CELF2: variants seen among roughly 807,000 people sequenced by gnomAD.
CELF2 encodes the protein CUGBP Elav-like family member 2.
In CELF2, 8 loss-of-function variants were observed where a neutral mutation model predicts 62.6. The observed-to-expected ratio is 0.13, with a 90% CI of 0.07 to 0.23. The LOEUF is 0.23. Among genes scored for constraint, CELF2 ranks in the 10% least tolerant of loss-of-function variants. The pLI, the probability that CELF2 is intolerant of heterozygous loss-of-function variation, is 1.00. For missense variants in CELF2, 333 were observed against 671.0 expected, an observed-to-expected ratio of 0.50 and a Z score of 5.56; for synonymous variants, 258 against 250.0, an observed-to-expected ratio of 1.03 and a Z score of -0.30.
chr10:10,571,121 G>T, the CELF2 span, among the ~76,000 whole-genome samples: 6 of 152,040 alleles, frequency 3.9e-5, no homozygotes, highest in Non-Finnish European at 8.8e-5. Flanking sequence ...AATACTTTCA[G>T]AAGCAAATGG....
Position 11,008,933 on chromosome 10 carries a change from T to C in CELF2, c.53+3493T>C, listed in dbSNP as rs1320474211. Among the ~76,000 whole-genome samples the C allele has an allele frequency of 7.1e-6, 1 of 141,460 alleles. No homozygotes were observed. Among genetic ancestry groups the C allele is most frequent in the East Asian group, 2.4e-4 (1 of 4,244 alleles). The allele number at this position is 141,460 out of a possible 152,430, so 92.8% of individuals were successfully genotyped here. On this transcript the variant is annotated intron_variant, in intron 1 of 12. Coordinates refer to the CELF2 transcript ENST00000416382. This position sits in a 1 kb window ranked among gnomAD's most constrained non-coding sequence, Gnocchi z 4.5. Reference sequence around the variant, plus strand: ...GCACAAGTCCATTCAGTGGCAATAATGCCTTCTTGGGTCACCTTTATTAGC... The same window carrying C: ...GCACAAGTCCATTCAGTGGCAATAACGCCTTCTTGGGTCACCTTTATTAGC...
the CELF2 span, among the ~76,000 whole-genome samples, chr10:10,601,755 G>A: frequency 5.3e-5 from 8 of 151,300 alleles, no homozygotes; most frequent in South Asian, 1.0e-3. Flanking sequence ...TTAAGTTCCG[G>A]GGTACATGTG....
At chr10:10,782,601 C>T in the CELF2 span, among the ~76,000 whole-genome samples, 1 of 152,192 alleles carries the variant, frequency 6.6e-6, no homozygotes, top group African/African-American at 2.4e-5. Context: ...CAAAATCAAC[C>T]ATCACAGTGT....
chr10:10,779,363 G>T, the CELF2 span, among the ~76,000 whole-genome samples: 14 of 152,168 alleles, frequency 9.2e-5, no homozygotes. Context: ...CCTGCACTTC[G>T]CACATGTAAA....
At chr10:11,138,660 A>T (rs756936706) in intron 1 of CELF2, among the ~76,000 whole-genome samples, 2 of 152,254 alleles carry the variant, frequency 1.3e-5, no homozygotes, top group Non-Finnish European at 2.9e-5. Flanking sequence ...GGCAGGTGTC[A>T]TGAACTGGCT....
intron 2 of CELF2, among the ~76,000 whole-genome samples, chr10:11,210,055 G>A (rs546329463): frequency 4.6e-5 from 7 of 152,276 alleles, no homozygotes; most frequent in African/African-American, 1.4e-4. Context: ...CAGGGCCTTC[G>A]TCCCTTGATC....
At chr10:11,057,304 T>C (rs1332217516) in intron 1 of CELF2, among the ~76,000 whole-genome samples, 1 of 151,580 alleles carries the variant, frequency 6.6e-6, no homozygotes, top group African/African-American at 2.4e-5. Context: ...GGGTGGGGGG[T>C]GGTCCAGCCC....
chr10:11,081,941 T>C (rs2074139775), intron 1 of CELF2, among the ~76,000 whole-genome samples: 1 of 152,162 alleles, frequency 6.6e-6, no homozygotes, highest in Admixed American at 6.5e-5. Flanking sequence ...ATAAAACAAG[T>C]TTTATTCTGG....
At chr10:10,956,491 T>G (rs1009301440) in intron 2 of CELF2, among the ~76,000 whole-genome samples, 1 of 152,246 alleles carries the variant, frequency 6.6e-6, no homozygotes, top group Non-Finnish European at 1.5e-5. Flanking sequence ...CTGTTTCTGC[T>G]GCTTTTAAGC....
intron 1 of CELF2, among the ~76,000 whole-genome samples, chr10:11,021,158 A>G (rs2138084131): frequency 6.6e-6 from 1 of 152,376 alleles, no homozygotes; most frequent in Non-Finnish European, 1.5e-5. Flanking sequence ...ATTTTTAAAC[A>G]AAGCTAATAA....
chr10:10,761,954 G>GTGTGTGTGTGTGTA, the CELF2 span, among the ~76,000 whole-genome samples: 7 of 141,434 alleles, frequency 4.9e-5, no homozygotes, highest in South Asian at 2.3e-4. Context: ...GTGTGTGTGT[G>GTGTGTGTGTGTGTA]TAGACAGATA....
the CELF2 span, among the ~76,000 whole-genome samples, chr10:10,662,829 G>A: frequency 2.0e-5 from 3 of 152,150 alleles, no homozygotes; most frequent in South Asian, 2.1e-4. Context: ...TTAACCACTT[G>A]CCGAAAAAGA....
At chr10:10,610,964 A>G in the CELF2 span, among the ~76,000 whole-genome samples, 2 of 152,306 alleles carry the variant, frequency 1.3e-5, no homozygotes, top group African/African-American at 4.8e-5. Flanking sequence ...TGGCCTGAGG[A>G]TTACACTACT....
rs969922548 is a variant in CELF2 at position 11,336,529 on chromosome 10, T to C, written c.*7476T>C. 4 of 152,664 alleles carry C rather than the reference T, an allele frequency of 2.6e-5. No homozygotes were observed. The highest frequency in any genetic ancestry group is 6.5e-5 in the Admixed American group (1 of 15,286). 9.5% of individuals were successfully genotyped at this position (152,664 alleles called of 1,614,324 possible). On this transcript the variant is annotated 3_prime_UTR_variant, in exon 13 of 13. Coordinates refer to ENST00000633077, the MANE Select transcript of CELF2 (RefSeq NM_001326342.2). The surrounding 1 kb of genome is among the most constrained non-coding windows in gnomAD (Gnocchi z 5.4). ...GCTTAAGAAAGGACTCTGTTGTGTG[T>C]AAAGTTAATGTGATTATTTTTCAAA...
chr10:10,776,684 C>T, the CELF2 span: 11 of 156,742 alleles, frequency 7.0e-5, no homozygotes, highest in Middle Eastern at 1.4e-3. Context: ...TCCCCACTCC[C>T]GGCTGCATGC....
chr10:10,495,100 C>G, the CELF2 span, among the ~76,000 whole-genome samples: 1 of 148,752 alleles, frequency 6.7e-6, no homozygotes, highest in Non-Finnish European at 1.5e-5. Flanking sequence ...CATGGTGAAA[C>G]CCCGTCTCTA....
chr10:11,015,944 T>C (rs1331632312), upstream of CELF2, among the ~76,000 whole-genome samples: 6 of 152,266 alleles, frequency 3.9e-5, no homozygotes, highest in Non-Finnish European at 7.3e-5. This position sits in a 1 kb window ranked among gnomAD's most constrained non-coding sequence, Gnocchi z 4.8. Flanking sequence ...ATACATGTTC[T>C]ACCTTACAGA....
the CELF2 span, among the ~76,000 whole-genome samples, chr10:10,581,814 G>T: frequency 6.6e-6 from 1 of 152,152 alleles, no homozygotes; most frequent in East Asian, 1.9e-4. Context: ...CTGATCACGA[G>T]GTCAGGTGTT....
chr10:10,931,585 C>A lies in CELF2; in HGVS notation c.89+11586C>A, dbSNP rs2066065869. On this transcript the variant is annotated intron_variant, in intron 2 of 13. Transcript: ENST00000636488. This position sits in a 1 kb window ranked among gnomAD's most constrained non-coding sequence, Gnocchi z 6.1. ...TGGCCCCTAATTCATCATTGGGCAC[C>A]ACGGCACCCCTTCCAAAGTAAAGAA... 6.6e-6 allele frequency among the ~76,000 whole-genome samples: 1 copy of A among 152,098 alleles called. No homozygotes were observed. The highest frequency in any genetic ancestry group is 2.1e-4 in the South Asian group (1 of 4,824).
Sources: allele counts gnomAD v4.1 joint callset (sites outside exome capture counted in the v4.1 genomes callset), GRCh38; gene constraint gnomAD v4.1.1; non-coding constraint Gnocchi (gnomAD v3.1); transcripts MANE v1.5; gene names NCBI Gene and HGNC (gene_info 2026-07-23, HGNC 2026-07-21).